Variants in NISCH observed in about 807,000 individuals in gnomAD.
NISCH encodes the protein nischarin.
Under a neutral mutation model 138.4 loss-of-function variants are expected in NISCH, and 55 were observed. The ratio of observed to expected loss-of-function variants is 0.40; its 90% CI spans 0.32 to 0.50. NISCH has a LOEUF of 0.50. Ranked by LOEUF, NISCH falls within the 20% of genes least tolerant of loss-of-function variation. The pLI is 0.71. For synonymous variants in NISCH, 860 were observed against 861.5 expected, an observed-to-expected ratio of 1.00 and a Z score of 0.03; for missense variants, 1,643 against 2,005.5, an observed-to-expected ratio of 0.82 and a Z score of 3.45.
At position 52,478,535 on chromosome 3, in the gene NISCH, C is replaced by T. The variant is rs1289247674; in HGVS notation, c.1260C>T (p.Tyr420=). Residue 420 remains tyrosine, a synonymous_variant, in exon 11 of 21, where the codon TAC becomes TAT. Transcript: ENST00000345716. ...ACCCTCTGAGCATCATCCCCGACTA[C>T]CGGACCAAGGTGCTGGCTCAGTTCG... The part of the protein sequence containing the change: ...LNNPLSIIPD[Y]RTKVLAQFGE... 6.2e-7 allele frequency: 1 copy of T among 1,614,208 alleles called. No individual in the cohort carries two copies. Among genetic ancestry groups the T allele is most frequent in the African/African-American group, 1.3e-5 (1 of 75,054 alleles).
chr3:52,490,350 G>A, intron 18 of NISCH, 119 bp downstream of exon 18: 1 of 1,156,394 alleles, frequency 8.6e-7, no homozygotes. Context: ...CTTGGCTGCA[G>A]TGGGCTGAGA....
intron 3 of NISCH, among the ~76,000 whole-genome samples, chr3:52,469,532 C>G (rs1010213929): frequency 6.6e-6 from 1 of 152,078 alleles, no homozygotes; most frequent in Admixed American, 6.6e-5. Context: ...CTTGGGAGGC[C>G]GAGGTGGGGG....
intron 14 of NISCH, 61 bp downstream of exon 14, chr3:52,484,698 G>C: frequency 6.3e-7 from 1 of 1,598,922 alleles, no homozygotes; most frequent in East Asian, 2.2e-5. Context: ...TCTGCTTGGG[G>C]TTGTGTGCAG....
At chr3:52,465,203 C>G (rs1158004693) in intron 3 of NISCH, among the ~76,000 whole-genome samples, 1 of 152,154 alleles carries the variant, frequency 6.6e-6, no homozygotes, top group African/African-American at 2.4e-5. Flanking sequence ...CATCTCGGCT[C>G]ACTGCAGCCT....
Position 52,487,696 on chromosome 3 carries a change from G to A in NISCH, c.2204G>A (p.Gly735Asp). ...FAACLVLTDF[G>D]IAVFEIPHQE... ...GCCTGCCTTGTGCTCACCGACTTCG[G>A]CATCGCAGTCTTCGAGATCCCGCAC... The change falls in exon 16 of 21, where the codon GGC becomes GAC. Residue 735 changes from glycine to aspartate, a missense_variant. Physicochemically the swap from Gly to Asp is moderately conservative, Grantham distance 94. Coordinates refer to ENST00000345716, the MANE Select transcript of NISCH (RefSeq NM_007184.4). The surrounding 1 kb of genome is among the most constrained non-coding windows in gnomAD (Gnocchi z 9.1). 6.2e-7 allele frequency: 1 copy of A among 1,613,700 alleles called. No homozygotes were observed. Among genetic ancestry groups the A allele is most frequent in the Non-Finnish European group, 8.5e-7 (1 of 1,180,006 alleles).
At position 52,458,798 on chromosome 3, in the gene NISCH, G is replaced by A. The variant is rs750279155; in HGVS notation, c.314G>A (p.Gly105Asp). 2 of 1,612,584 alleles carry A rather than the reference G, an allele frequency of 1.2e-6. No individual in the cohort carries two copies. Among genetic ancestry groups the A allele is most frequent in the Non-Finnish European group, 8.5e-7 (1 of 1,179,920 alleles). Residue 105 changes from glycine (G) to aspartate (D), a missense_variant, in exon 3 of 21, where the codon GGC becomes GAC. Gly to Asp is a moderately conservative substitution (Grantham distance 94, BLOSUM62 -1). Transcript: ENST00000345716. The stretch of plus-strand genomic sequence containing the variant: ...CAGAAGCTCCTGGCTGCCTTCCCTG[G>A]CGTGACCCCCAGAGTACTGGCCCAC... ...YLQKLLAAFP[G>D]VTPRVLAHFL...
In NISCH at chr3:52,489,612, G is replaced by T. The variant is rs374595197; in HGVS notation, c.3390G>T (p.Ser1130=). ...QIPSHLPACP[S]LRHVASLRGS... is the part of the protein sequence containing the mutation. ...CCTCGCACTTGCCTGCCTGCCCGTC[G>T]CTCCGGCACGTCGCCAGCCTGCGGG... Residue 1130 remains serine, a synonymous_variant, in exon 17 of 21, where the codon TCG becomes TCT. Transcript: ENST00000345716. 1.3e-5 allele frequency: 21 copies of T among 1,612,946 alleles called. No individual in the cohort carries two copies. In the Admixed American group the frequency reaches 2.3e-4, roughly 18 times the overall value.
At chr3:52,481,921 C>T (rs1707286524) in intron 13 of NISCH, 1 of 985,292 alleles carries the variant, frequency 1.0e-6, no homozygotes, top group African/African-American at 1.7e-5. Flanking sequence ...TTTGTGTGCA[C>T]CTCTCTTTCC....
chr3:52,487,902 C>G lies in NISCH; in HGVS notation c.2410C>G (p.His804Asp). 1 of 1,612,020 alleles carries G rather than the reference C, an allele frequency of 6.2e-7. No homozygotes were observed. The highest frequency in any genetic ancestry group is 8.5e-7 in the Non-Finnish European group (1 of 1,179,940). Residue 804 changes from histidine (H) to aspartate (D), a missense_variant, in exon 16 of 21, where the codon CAC becomes GAC. By Grantham distance (81) the His-to-Asp change is moderately conservative. Coordinates refer to ENST00000345716, the MANE Select transcript of NISCH (RefSeq NM_007184.4). This position sits in a 1 kb window ranked among gnomAD's most constrained non-coding sequence, Gnocchi z 9.1. ...ISDAANLHEFHADLRSCFAPQ... is the reference protein window; with the variant it reads ...ISDAANLHEFDADLRSCFAPQ... ...GGACGCCGCCAACCTGCACGAGTTC[C>G]ACGCGGACCTGCGCTCATGCTTTGC...
chr3:52,478,517 G>A lies in NISCH; in HGVS notation c.1242G>A (p.Leu414=). ...ACGTGTCTCTGCTGAACAACCCTCT[G>A]AGCATCATCCCCGACTACCGGACCA... The part of the protein sequence containing the change: ...LEHVSLLNNP[L]SIIPDYRTKV... The change falls in exon 11 of 21, where the codon CTG becomes CTA. Residue 414 remains leucine (L), a synonymous_variant. Transcript: ENST00000345716. 1 of 1,614,168 alleles carries A rather than the reference G, an allele frequency of 6.2e-7. No individual in the cohort carries two copies. The highest frequency in any genetic ancestry group is 8.5e-7 in the Non-Finnish European group (1 of 1,180,040).
intron 3 of NISCH, 47 bp downstream of exon 3, chr3:52,458,891 G>A (rs375211308): frequency 6.5e-7 from 1 of 1,529,536 alleles, no homozygotes; most frequent in Non-Finnish European, 8.8e-7. Flanking sequence ...ACCCACAACT[G>A]CCAAACTTGA....
In NISCH at chr3:52,489,685, G is replaced by T. The variant is rs868657964; in HGVS notation, c.3456+7G>T. The T allele has an allele frequency of 1.9e-6, 3 of 1,608,052 alleles. No homozygotes were observed. In the Middle Eastern group the frequency reaches 5.0e-4, roughly 266 times the overall value. Reference sequence around the variant, plus strand: ...CCACAGCAGCATTGCTGAGGTAGCGGCCCGGGTGTGGGTGCCAGCTATGGC... The same window carrying T: ...CCACAGCAGCATTGCTGAGGTAGCGTCCCGGGTGTGGGTGCCAGCTATGGC... On this transcript the variant is annotated splice_region_variant and intron_variant, in intron 17 of 20. Coordinates refer to ENST00000345716, the MANE Select transcript of NISCH (RefSeq NM_007184.4).
chr3:52,488,736 C>G, intron 16 of NISCH, 131 bp downstream of exon 16: 3 of 750,192 alleles, frequency 4.0e-6, no homozygotes, highest in Non-Finnish European at 4.2e-6. Context: ...GCCCCTCGCC[C>G]CCCCCGGGCC....
chr3:52,476,400 T>TG, intron 7 of NISCH, 47 bp from the exon 8 acceptor site: 1 of 1,604,838 alleles, frequency 6.2e-7, no homozygotes, highest in Non-Finnish European at 8.5e-7. Context: ...CAGTGAGTGT[T>TG]GCGTGAGGGC....
chr3:52,491,858 G>T lies in NISCH; in HGVS notation c.3905-14G>T. 1 of 1,570,812 alleles carries T rather than the reference G, an allele frequency of 6.4e-7. No homozygotes were observed. Among genetic ancestry groups the T allele is most frequent in the Non-Finnish European group, 8.7e-7 (1 of 1,154,814 alleles). On this transcript the variant is annotated splice_polypyrimidine_tract_variant and intron_variant, in intron 20 of 20. Transcript: ENST00000345716. ...CCGGTTCCAGGCTATAGCCCAGGTG[G>T]CATCTCTCTGCAGGGAAGATGGAGA...
intron 3 of NISCH, among the ~76,000 whole-genome samples, chr3:52,468,079 G>A (rs1706837441): frequency 0.018 from 1 of 56 alleles, no homozygotes; most frequent in African/African-American, 0.083. Flanking sequence ...GGCTAACATG[G>A]TGAAACCCAT....
intron 3 of NISCH, among the ~76,000 whole-genome samples, chr3:52,464,995 T>C (rs1032637669): frequency 6.6e-6 from 1 of 151,990 alleles, no homozygotes; most frequent in African/African-American, 2.4e-5. Flanking sequence ...ATGGTCTTCA[T>C]TGAAGCACAA....
intron 8 of NISCH, 58 bp downstream of exon 8, chr3:52,476,657 G>T: frequency 6.4e-7 from 1 of 1,565,320 alleles, no homozygotes; most frequent in South Asian, 1.1e-5. Context: ...CCCTGAGTTT[G>T]AGTATTTAAC....
rs963654623 is a variant in NISCH at position 52,478,481 on chromosome 3, G to A, written c.1206G>A (p.Pro402=). 3.4e-5 allele frequency: 55 copies of A among 1,614,074 alleles called. No individual in the cohort carries two copies. Among genetic ancestry groups the A allele is most frequent in the Non-Finnish European group, 4.1e-5 (48 of 1,180,038 alleles). ...MEEVRSIGSL[P]CLEHVSLLNN... ...AGGTCCGGAGCATAGGCAGCCTCCC[G>A]TGTCTGGAGCACGTGTCTCTGCTGA... The change falls in exon 11 of 21, where the codon CCG becomes CCA. Residue 402 remains proline (P), a synonymous_variant. Transcript: ENST00000345716.
Sources: allele counts gnomAD v4.1 joint callset (sites outside exome capture counted in the v4.1 genomes callset), GRCh38; gene constraint gnomAD v4.1.1; non-coding constraint Gnocchi (gnomAD v3.1); transcripts MANE v1.5; gene names NCBI Gene and HGNC (gene_info 2026-07-23, HGNC 2026-07-21).